Variants in LDLRAD3 observed in about 807,000 individuals in gnomAD.
The protein encoded by LDLRAD3 is low density lipoprotein receptor class A domain containing 3.
Under a neutral mutation model 29.4 loss-of-function variants are expected in LDLRAD3, and 20 were observed. The observed-to-expected ratio is 0.68, with a 90% CI of 0.48 to 0.99. The LOEUF (loss-of-function observed/expected upper bound fraction) is 0.99, where lower values mean the gene tolerates loss of function less well. Ranked by LOEUF, LDLRAD3 falls within the 50% of genes least tolerant of loss-of-function variation. The pLI, the probability that LDLRAD3 is intolerant of heterozygous loss-of-function variation, is 0.00. For synonymous variants in LDLRAD3, 157 were observed against 192.7 expected (o/e 0.81, Z 1.53); for missense variants, 420 against 454.3 (o/e 0.92, Z 0.69).
At chr11:36,034,714 C>G (rs1485229514) in intron 1 of LDLRAD3, among the ~76,000 whole-genome samples, 1 of 152,186 alleles carries the variant, frequency 6.6e-6, no homozygotes, top group Non-Finnish European at 1.5e-5. Flanking sequence ...CCCAGTGGTA[C>G]TATCACCAGA....
At chr11:36,103,236 C>CT (rs3082245) in intron 4 of LDLRAD3, among the ~76,000 whole-genome samples, 77,504 of 123,852 alleles carry the variant, frequency 0.63, 25,679 homozygotes, top group Non-Finnish European at 0.73. Context: ...AGTATTTAAT[C>CT]TTTTTTTTTT....
intron 1 of LDLRAD3, among the ~76,000 whole-genome samples, chr11:35,955,453 AT>A (rs1447054412): frequency 1.3e-5 from 2 of 152,208 alleles, no homozygotes; most frequent in East Asian, 1.9e-4. Context: ...GTAAAGCAAA[AT>A]GTTACTCTTA....
chr11:36,169,776 C>T (rs1420558188), intron 4 of LDLRAD3, among the ~76,000 whole-genome samples: 2 of 152,168 alleles, frequency 1.3e-5, no homozygotes, highest in Admixed American at 6.5e-5. Context: ...GGCATCTTTT[C>T]GGTATCCTGA....
chr11:36,014,163 G>A (rs927334622), intron 1 of LDLRAD3, among the ~76,000 whole-genome samples: 3 of 152,160 alleles, frequency 2.0e-5, no homozygotes, highest in African/African-American at 7.2e-5. Flanking sequence ...ACCTTTGCGT[G>A]TTTACACAAG....
intron 4 of LDLRAD3, among the ~76,000 whole-genome samples, chr11:36,121,126 T>C (rs10082681): frequency 0.85 from 129,102 of 152,170 alleles, 56,288 homozygotes; most frequent in East Asian, 0.96. Flanking sequence ...AGACACTCAA[T>C]AACCATTCGT....
intron 2 of LDLRAD3, among the ~76,000 whole-genome samples, chr11:36,040,194 C>T (rs898512718): frequency 1.3e-5 from 2 of 151,464 alleles, no homozygotes; most frequent in Non-Finnish European, 2.9e-5. Flanking sequence ...TTGCCCTTTT[C>T]GAAGGGCAAG....
chr11:36,215,830 C>A (rs1290836600), intron 4 of LDLRAD3, among the ~76,000 whole-genome samples: 1 of 152,182 alleles, frequency 6.6e-6, no homozygotes, highest in Non-Finnish European at 1.5e-5. Context: ...CAAGTGTGCA[C>A]ACTCAGCATT....
chr11:36,174,855 G>A (rs1565279582), intron 4 of LDLRAD3, among the ~76,000 whole-genome samples: 1 of 152,268 alleles, frequency 6.6e-6, no homozygotes, highest in South Asian at 2.1e-4. Context: ...GGTGGCAGGT[G>A]CCTGTAGTCC....
chr11:35,993,604 G>T (rs977563656), intron 1 of LDLRAD3, among the ~76,000 whole-genome samples: 1 of 150,968 alleles, frequency 6.6e-6, no homozygotes, highest in Non-Finnish European at 1.5e-5. Flanking sequence ...TTCTCTTGCA[G>T]CTCTGGAATC....
chr11:36,083,010 T>A (rs780854024), intron 3 of LDLRAD3, among the ~76,000 whole-genome samples: 65 of 152,224 alleles, frequency 4.3e-4, no homozygotes, highest in Non-Finnish European at 1.5e-4. Context: ...CATATATATA[T>A]AAAAGACTTT....
intron 2 of LDLRAD3, among the ~76,000 whole-genome samples, chr11:36,065,052 G>A (rs1181909985): frequency 1.3e-5 from 2 of 152,144 alleles, no homozygotes; most frequent in Non-Finnish European, 2.9e-5. Flanking sequence ...TGGTGTTCAT[G>A]CCTTCTGTTT....
chr11:35,951,038 G>A (rs1359772536), intron 1 of LDLRAD3, among the ~76,000 whole-genome samples: 10 of 151,960 alleles, frequency 6.6e-5, no homozygotes, highest in African/African-American at 1.5e-4. Flanking sequence ...AGCCGAGATC[G>A]TGCCACTGAC....
intron 4 of LDLRAD3, among the ~76,000 whole-genome samples, chr11:36,180,223 G>A (rs1854739231): frequency 6.6e-6 from 1 of 151,924 alleles, no homozygotes; most frequent in South Asian, 2.1e-4. Flanking sequence ...TCTTCAGCTG[G>A]GATTTGTCTG....
intron 1 of LDLRAD3, among the ~76,000 whole-genome samples, chr11:36,019,267 G>A (rs995284305): frequency 1.3e-5 from 2 of 152,164 alleles, no homozygotes; most frequent in African/African-American, 4.8e-5. Context: ...CTCTTGCCCC[G>A]TGTCTCTTAA....
intron 4 of LDLRAD3, among the ~76,000 whole-genome samples, chr11:36,111,302 G>T (rs936324894): frequency 2.8e-4 from 42 of 152,126 alleles, no homozygotes; most frequent in African/African-American, 8.7e-4. Context: ...AATTTCTAGG[G>T]GTGAGAAGAG....
Position 36,012,075 on chromosome 11 carries a change from A to C in LDLRAD3, c.47-24028A>C, listed in dbSNP as rs975637864. On this transcript the variant is annotated intron_variant, in intron 1 of 5. Coordinates refer to ENST00000315571, the MANE Select transcript of LDLRAD3 (RefSeq NM_174902.4). ...TGTTCTTCTATATTCTAAAGTCTCT[A>C]GGGGTTAGGAATTCTGATTAATATA... Among the ~76,000 whole-genome samples the C allele has an allele frequency of 5.3e-5, 8 of 152,200 alleles. 1 individual carries two copies. Among genetic ancestry groups the C allele is most frequent in the African/African-American group, 1.9e-4 (8 of 41,444 alleles).
chr11:35,952,775 C>T (rs1194088016), intron 1 of LDLRAD3, among the ~76,000 whole-genome samples: 1 of 152,092 alleles, frequency 6.6e-6, no homozygotes, highest in African/African-American at 2.4e-5. Context: ...GATGATAATG[C>T]CTCGTATCAA....
At chr11:36,227,057 C>T (rs1196262605) in intron 4 of LDLRAD3, 28 bp from the exon 5 acceptor site, 5 of 1,515,886 alleles carry the variant, frequency 3.3e-6, no homozygotes, top group Non-Finnish European at 4.5e-6. Flanking sequence ...AACCTTCTCT[C>T]TTTTCTCTCC....
At chr11:36,169,149 C>T (rs934846016) in intron 4 of LDLRAD3, among the ~76,000 whole-genome samples, 2 of 152,100 alleles carry the variant, frequency 1.3e-5, no homozygotes, top group Non-Finnish European at 2.9e-5. Context: ...TCTTATTGAT[C>T]TGTGAGCTTT....
Sources: allele counts gnomAD v4.1 joint callset (sites outside exome capture counted in the v4.1 genomes callset), GRCh38; gene constraint gnomAD v4.1.1; transcripts MANE v1.5; gene names NCBI Gene and HGNC (gene_info 2026-07-23, HGNC 2026-07-21).